ESPN: variants seen among roughly 807,000 people sequenced by gnomAD.
ESPN encodes the protein espin.
In ESPN, 68 loss-of-function variants were observed where a neutral mutation model predicts 77.7. The observed-to-expected ratio is 0.87, with a 90% CI of 0.72 to 1.07. ESPN has a LOEUF of 1.07. Ranked by LOEUF, ESPN falls within the 50% of genes least tolerant of loss-of-function variation. The pLI, the probability that ESPN is intolerant of heterozygous loss-of-function variation, is 0.00. For synonymous variants in ESPN, 449 were observed against 567.1 expected (o/e 0.79, Z 2.96); for missense variants, 1,060 against 1,239.0 (o/e 0.86, Z 2.17).
rs1183237872 is a variant in ESPN at position 6,451,553 on chromosome 1, G to A, written c.1916-50G>A. The A allele has an allele frequency of 1.5e-5, 24 of 1,594,780 alleles. No homozygotes were observed. The highest frequency in any genetic ancestry group is 7.9e-5 in the South Asian group (7 of 88,754). On this transcript the variant is annotated intron_variant, in intron 8 of 12. Transcript: ENST00000645284. The surrounding 1 kb of genome is among the most constrained non-coding windows in gnomAD (Gnocchi z 4.3). The stretch of plus-strand genomic sequence containing the variant: ...TGCAGAGGGGCGGGTGAGGGGTGGC[G>A]GGGATGCAGCCCCACCCTGGCCAGT...
intron 7 of ESPN, among the ~76,000 whole-genome samples, chr1:6,446,591 C>T (rs1314360275): frequency 6.6e-6 from 1 of 152,094 alleles, no homozygotes; most frequent in East Asian, 1.9e-4. Context: ...ATGTCTGGGG[C>T]CTGCAGGCCC....
At position 6,451,704 on chromosome 1, in the gene ESPN, G is replaced by A. The variant is rs1643946329; in HGVS notation, c.2017G>A (p.Gly673Arg). The A allele has an allele frequency of 6.2e-7, 1 of 1,612,952 alleles. No individual in the cohort carries two copies. The highest frequency in any genetic ancestry group is 1.7e-5 in the Admixed American group (1 of 59,984). Reference protein sequence around the residue: ...KSLKPTPQSKGLTTVFSGIGQ... With the variant: ...KSLKPTPQSKRLTTVFSGIGQ... Reference sequence around the variant, plus strand: ...CCTGAAGCCGACGCCCCAGAGCAAGGGGCTGACCACAGTGTTCTCAGGCAT... The same window carrying A: ...CCTGAAGCCGACGCCCCAGAGCAAGAGGCTGACCACAGTGTTCTCAGGCAT... Residue 673 changes from glycine (G) to arginine (R), a missense_variant, in exon 9 of 13, where the codon GGG (glycine) becomes AGG (arginine). Physicochemically the swap from Gly to Arg is moderately radical, Grantham distance 125. This residue lies in a region of ESPN where 374 missense variants were observed against 381.4 expected (regional missense o/e 0.98). Transcript: ENST00000645284. The surrounding 1 kb of genome is among the most constrained non-coding windows in gnomAD (Gnocchi z 4.3).
chr1:6,455,214 C>T lies in ESPN; in HGVS notation c.2326-1970C>T, dbSNP rs1644029589. ...GCTGCCTGAGCCCGAGCAGCTGGCGCGCCGGCCGCCCCTCTGCACGAAGCT... is the reference window on the plus strand; with the variant it reads ...GCTGCCTGAGCCCGAGCAGCTGGCGTGCCGGCCGCCCCTCTGCACGAAGCT... On this transcript the variant is annotated intron_variant, in intron 10 of 12. Transcript: ENST00000645284. 3 of 389,230 alleles carry T rather than the reference C, an allele frequency of 7.7e-6. No individual in the cohort carries two copies. The South Asian group carries it at 3.8e-4, about 50-fold the overall frequency. The allele number at this position is 389,230 out of a possible 1,614,324, so 24.1% of individuals were successfully genotyped here. A position where few individuals can be genotyped will look rare whatever the true frequency, so the allele number is the denominator to read the frequency against.
chr1:6,450,382 A>C lies in ESPN; in HGVS notation c.1916-1221A>C. 1 of 646,934 alleles carries C rather than the reference A, an allele frequency of 1.5e-6. No homozygotes were observed. Among genetic ancestry groups the C allele is most frequent in the Non-Finnish European group, 1.9e-6 (1 of 521,242 alleles). 40.1% of individuals were successfully genotyped at this position (646,934 alleles called of 1,614,324 possible). ...CCCGCTCCCTGTCCCCTGCTGTCCC[A>C]GTCTCATCCTGCCCCCCCTCCCTCC... is the stretch of plus-strand genomic sequence containing the variant. On this transcript the variant is annotated intron_variant, in intron 8 of 12. Coordinates refer to ENST00000645284, the MANE Select transcript of ESPN (RefSeq NM_031475.3). This position sits in a 1 kb window ranked among gnomAD's most constrained non-coding sequence, Gnocchi z 4.3.
chr1:6,452,590 G>A (rs1295448999), intron 10 of ESPN, among the ~76,000 whole-genome samples: 1 of 152,302 alleles, frequency 6.6e-6, no homozygotes, highest in Admixed American at 6.5e-5. Flanking sequence ...CAGCACCTGG[G>A]ATCTGGTTAA....
chr1:6,424,949 C>T lies in ESPN; in HGVS notation c.-7C>T, dbSNP rs754339589. 36 of 1,443,730 alleles carry T rather than the reference C, an allele frequency of 2.5e-5. No individual in the cohort carries two copies. The South Asian group carries it at 4.5e-4, about 18-fold the overall frequency. The allele number at this position is 1,443,730 out of a possible 1,614,324, so 89.4% of individuals were successfully genotyped here. ...GAGTGCGGAGTCGCGGCGCCGCACG[C>T]GGCACCATGGCCCTGGAGCAGGCGC... On this transcript the variant is annotated 5_prime_UTR_variant, in exon 1 of 13. Coordinates refer to ENST00000645284, the MANE Select transcript of ESPN (RefSeq NM_031475.3).
In ESPN at chr1:6,448,797, G is replaced by C; in HGVS notation, c.1621G>C (p.Glu541Gln). 7.5e-7 allele frequency: 1 copy of C among 1,341,766 alleles called. No individual in the cohort carries two copies. The highest frequency in any genetic ancestry group is 9.5e-7 in the Non-Finnish European group (1 of 1,050,290). 83.1% of individuals were successfully genotyped at this position (1,341,766 alleles called of 1,614,324 possible). The change falls in exon 8 of 13, where the codon GAG becomes CAG. Residue 541 changes from glutamate to glutamine, a missense_variant. Glu to Gln is a conservative substitution (Grantham distance 29). Coordinates refer to ENST00000645284, the MANE Select transcript of ESPN (RefSeq NM_031475.3). ...LAARPGMAHS[E>Q]EVRARQPARA... ...CGCACGCCCGGGCATGGCGCACAGC[G>C]AGGAGGTGCGTGCCCGCCAGCCCGC... is the stretch of plus-strand genomic sequence containing the variant.
Position 6,440,788 on chromosome 1 carries a change from G to C in ESPN, c.838G>C (p.Ala280Pro), listed in dbSNP as rs1643606786. The C allele has an allele frequency of 6.6e-7, 1 of 1,511,458 alleles. No individual in the cohort carries two copies. Among genetic ancestry groups the C allele is most frequent in the Non-Finnish European group, 8.8e-7 (1 of 1,138,672 alleles). 93.6% of individuals were successfully genotyped at this position (1,511,458 alleles called of 1,614,324 possible). A position where few individuals can be genotyped will look rare whatever the true frequency, so the allele number is the denominator to read the frequency against. ...LWGGTPLHDA[A>P]ENGELECCQI... ...GGGCGGGACCCCGCTGCACGACGCC[G>C]CCGAGAACGGGGAGCTAGAGGTCAG... Residue 280 changes from alanine (A) to proline (P), a missense_variant, in exon 4 of 13, where the codon GCC becomes CCC. Ala to Pro is a conservative substitution (Grantham distance 27). Transcript: ENST00000645284.
At position 6,448,561 on chromosome 1, in the gene ESPN, G is replaced by A. The variant is rs1031417657; in HGVS notation, c.1465-80G>A. 2.2e-5 allele frequency: 29 copies of A among 1,294,440 alleles called. No individual in the cohort carries two copies. The African/African-American group carries it at 3.9e-4, about 18-fold the overall frequency. The allele number at this position is 1,294,440 out of a possible 1,614,324, so 80.2% of individuals were successfully genotyped here. A position where few individuals can be genotyped will look rare whatever the true frequency, so the allele number is the denominator to read the frequency against. On this transcript the variant is annotated intron_variant, in intron 7 of 12. Coordinates refer to ENST00000645284, the MANE Select transcript of ESPN (RefSeq NM_031475.3). ...GGCCGCTGGCCGCGAGTCCCCAGGA[G>A]GTGAAGAGCTGGGTGGGGAGGCGTG...
Position 6,452,897 on chromosome 1 carries a change from A to ATTTTTTTTT in ESPN, c.2325+807_2325+808insTTTTTTTTT, listed in dbSNP as rs1350694225. 2.4e-4 allele frequency among the ~76,000 whole-genome samples: 33 copies of ATTTTTTTTT among 138,802 alleles called. No individual in the cohort carries two copies. In the South Asian group the frequency reaches 6.8e-3, roughly 28 times the overall value. 91.1% of individuals were successfully genotyped at this position (138,802 alleles called of 152,430 possible). On this transcript the variant is annotated intron_variant, in intron 10 of 12. Transcript: ENST00000645284. ...TATTCCCCAAATGCCATTTATTTTT[A>ATTTTTTTTT]TTTTTTATTTTTTGAGACAGGGTCT...
chr1:6,458,460 C>T (rs564199083), intron 12 of ESPN, among the ~76,000 whole-genome samples: 17 of 151,594 alleles, frequency 1.1e-4, no homozygotes, highest in Non-Finnish European at 1.8e-4. Flanking sequence ...GGATTACAGG[C>T]GCCCGCCACC....
chr1:6,424,856 C>A lies in ESPN; in HGVS notation c.-100C>A. 1 of 1,186,954 alleles carries A rather than the reference C, an allele frequency of 8.4e-7. No individual in the cohort carries two copies. Among genetic ancestry groups the A allele is most frequent in the Non-Finnish European group, 1.1e-6 (1 of 933,524 alleles). 73.5% of individuals were successfully genotyped at this position (1,186,954 alleles called of 1,614,324 possible). On this transcript the variant is annotated 5_prime_UTR_variant, in exon 1 of 13. Coordinates refer to ENST00000645284, the MANE Select transcript of ESPN (RefSeq NM_031475.3). ...CGCTCCGCCTCCCGGCCCGCAGATC[C>A]CCGACGGCCGCACCGCGGGCTCCTC... is the stretch of plus-strand genomic sequence containing the variant.
chr1:6,454,846 T>C, intron 10 of ESPN: 1 of 394,054 alleles, frequency 2.5e-6, no homozygotes. Context: ...CTGGCGCCGC[T>C]GCCCGACGCG....
downstream of ESPN, chr1:6,461,238 CCT>C (rs1184598425): frequency 1.9e-5 from 14 of 751,434 alleles, no homozygotes; most frequent in Non-Finnish European, 3.1e-5. This position sits in a 1 kb window ranked among gnomAD's most constrained non-coding sequence, Gnocchi z 6.3. Context: ...GTCTTCACCC[CCT>C]CTCGACATTC....
chr1:6,456,004 C>G (rs1165955471), intron 10 of ESPN: 2 of 398,316 alleles, frequency 5.0e-6, no homozygotes. Context: ...GCCCCTGCGC[C>G]GCAGCCGCCG....
rs199767941 is a variant in ESPN, at chr1:6,439,999, ACTT to A, written c.489-249_489-247del. 0.021 allele frequency among the ~76,000 whole-genome samples: 3,164 copies of A among 147,534 alleles called. 130 individuals are homozygous for A. Among genetic ancestry groups the A allele is most frequent in the African/African-American group, 0.077 (3,003 of 38,834 alleles). On this transcript the variant is annotated intron_variant, in intron 2 of 12. Transcript: ENST00000645284. ...ACTCCAGCCTGGGCGACAGAGCTAG[ACTT>A]CTTCTCAAAAAAAAAAGTAGGACTG...
chr1:6,446,141 C>T (rs1436569819), intron 7 of ESPN, among the ~76,000 whole-genome samples: 4 of 152,116 alleles, frequency 2.6e-5, no homozygotes, highest in Non-Finnish European at 5.9e-5. Context: ...CAGGTCATTG[C>T]CCTCCATGGG....
At chr1:6,454,562 C>A in intron 10 of ESPN, 2 of 398,998 alleles carry the variant, frequency 5.0e-6, no homozygotes, top group African/African-American at 2.1e-5. Context: ...AGCAGCAAAT[C>A]GAGAACCTGC....
intron 2 of ESPN, among the ~76,000 whole-genome samples, chr1:6,438,893 C>T (rs927731735): frequency 1.3e-5 from 2 of 152,262 alleles, no homozygotes; most frequent in African/African-American, 2.4e-5. Flanking sequence ...AGGCGGATCA[C>T]TTGAGCTCAG....
Sources: gnomAD v4.1 joint callset for allele counts (sites outside exome capture counted in the v4.1 genomes callset) on GRCh38, gnomAD v4.1.1 for gene constraint, gnomAD v4.1.1 regional missense constraint, Gnocchi (gnomAD v3.1) non-coding constraint, MANE v1.5 for transcripts, NCBI Gene and HGNC (gene_info 2026-07-23, HGNC 2026-07-21) for gene names.